RAP1A: variants seen among roughly 807,000 people sequenced by gnomAD.
RAP1A encodes RAP1A, member of RAS oncogene family.
In RAP1A, 6 loss-of-function variants were observed where a neutral mutation model predicts 26.4. The ratio of observed to expected loss-of-function variants is 0.23; its 90% CI spans 0.12 to 0.45. The LOEUF (loss-of-function observed/expected upper bound fraction) is 0.45. Ranked by LOEUF, RAP1A falls within the 20% of genes least tolerant of loss-of-function variation. The probability of loss-of-function intolerance (pLI) is 0.99; values close to 1 mark genes in which losing one functional copy is unlikely to be tolerated. For missense variants in RAP1A, 121 were observed against 217.2 expected (o/e 0.56, Z 2.78); for synonymous variants, 73 against 79.4 (o/e 0.92, Z 0.43).
Position 111,705,549 on chromosome 1 carries a change from T to C in RAP1A, c.468+1063T>C, listed in dbSNP as rs1241348067. On this transcript the variant is annotated intron_variant, in intron 6 of 7. Transcript: ENST00000369709. Reference sequence around the variant, plus strand: ...TAATCAAGAATGCCAAAGCTTGTTTTTTTATGTGAAACCATTTTTAACAAG... The same window carrying C: ...TAATCAAGAATGCCAAAGCTTGTTTCTTTATGTGAAACCATTTTTAACAAG... Among the ~76,000 whole-genome samples, 4 of 152,234 alleles carry C rather than the reference T, an allele frequency of 2.6e-5. No individual in the cohort carries two copies. The East Asian group carries it at 7.7e-4, about 29-fold the overall frequency.
At position 111,669,682 on chromosome 1, in the gene RAP1A, A is replaced by G. The variant is rs544316272; in HGVS notation, c.-27-21652A>G. 9.8e-5 allele frequency among the ~76,000 whole-genome samples: 15 copies of G among 152,362 alleles called. No individual in the cohort carries two copies. In the South Asian group the frequency reaches 2.9e-3, roughly 29 times the overall value. The stretch of plus-strand genomic sequence containing the variant: ...TCTTAACTAATCCAAGAAGAGCATG[A>G]AAAGGTCTAATAGTTGTCTAACCAG... On this transcript the variant is annotated intron_variant, in intron 1 of 7. Coordinates refer to ENST00000369709, the MANE Select transcript of RAP1A (RefSeq NM_002884.4).
At position 111,571,273 on chromosome 1, in the gene RAP1A, G is replaced by A. The variant is rs1658042978; in HGVS notation, c.-28+28764G>A. Among the ~76,000 whole-genome samples the A allele has an allele frequency of 2.6e-5, 4 of 152,338 alleles. No individual in the cohort carries two copies. The South Asian group carries it at 8.3e-4, about 32-fold the overall frequency. On this transcript the variant is annotated intron_variant, in intron 1 of 7. Transcript: ENST00000356415. ...ACGCAAAGTTTCCACACTCTGTCCA[G>A]GTGCACCCTGTCCCAGCCCATCCCT...
chr1:111,670,661 A>G (rs1273917010), intron 1 of RAP1A, among the ~76,000 whole-genome samples: 1 of 152,240 alleles, frequency 6.6e-6, no homozygotes, highest in Non-Finnish European at 1.5e-5. Flanking sequence ...GAAAAAGACT[A>G]ATAAAAGTAA....
chr1:111,549,576 G>T (rs917513126), intron 1 of RAP1A, among the ~76,000 whole-genome samples: 2 of 151,494 alleles, frequency 1.3e-5, no homozygotes, highest in Admixed American at 1.3e-4. Context: ...CTTGAACTGA[G>T]GAGGCGGAGG....
rs141929929 is a variant in RAP1A, at chr1:111,697,038, C to T, written c.127-403C>T. 1.7e-3 allele frequency among the ~76,000 whole-genome samples: 253 copies of T among 152,198 alleles called. 2 individuals are homozygous for T. In the Middle Eastern group the frequency reaches 0.017, roughly 10 times the overall value. The stretch of plus-strand genomic sequence containing the variant: ...ATTTTCTTTACCCCAAAATGTTGTG[C>T]GCATTTTGAGCCATTTAATATTTTT... On this transcript the variant is annotated intron_variant, in intron 3 of 7. Coordinates refer to ENST00000369709, the MANE Select transcript of RAP1A (RefSeq NM_002884.4).
intron 1 of RAP1A, among the ~76,000 whole-genome samples, chr1:111,551,002 A>G (rs76436018): frequency 0.05 from 7,591 of 152,166 alleles, 390 homozygotes; most frequent in East Asian, 0.18. Context: ...TCTCATGACA[A>G]TTTTTGTCTT....
chr1:111,694,599 A>C (rs1169833238), intron 2 of RAP1A, among the ~76,000 whole-genome samples: 1 of 152,210 alleles, frequency 6.6e-6, no homozygotes, highest in African/African-American at 2.4e-5. Flanking sequence ...AAAAAGATGA[A>C]TGGGCAATAT....
At chr1:111,647,194 C>G (rs1474128812) in intron 1 of RAP1A, among the ~76,000 whole-genome samples, 1 of 152,034 alleles carries the variant, frequency 6.6e-6, no homozygotes, top group Non-Finnish European at 1.5e-5. Flanking sequence ...GAGTGCAAAC[C>G]CTATTATGAA....
chr1:111,609,350 T>A (rs907932297), intron 1 of RAP1A, among the ~76,000 whole-genome samples: 13 of 152,220 alleles, frequency 8.5e-5, no homozygotes, highest in South Asian at 2.1e-4. Context: ...TATTATTATT[T>A]TTTTTAATCA....
intron 1 of RAP1A, chr1:111,649,346 C>T (rs1571527152): frequency 7.6e-6 from 3 of 393,008 alleles, no homozygotes; most frequent in East Asian, 1.3e-4. Context: ...TTCTGGATGC[C>T]TCCCATTCCT....
At chr1:111,592,663 G>T (rs866675915) in intron 1 of RAP1A, among the ~76,000 whole-genome samples, 1 of 152,150 alleles carries the variant, frequency 6.6e-6, no homozygotes, top group African/African-American at 2.4e-5. Flanking sequence ...GAGAACTCTG[G>T]GGTATGTTTC....
rs71099925 is a variant in RAP1A at position 111,653,683 on chromosome 1, CAAAAAAA to C, written c.-28+33769_-28+33775del. Among the ~76,000 whole-genome samples the C allele has an allele frequency of 1.2e-3, 77 of 65,706 alleles. 1 individual carries two copies. The highest frequency in any genetic ancestry group is 8.6e-3 in the Middle Eastern group (1 of 116). 43.1% of individuals were successfully genotyped at this position (65,706 alleles called of 152,430 possible). On this transcript the variant is annotated intron_variant, in intron 1 of 7. Transcript: ENST00000369709. The stretch of plus-strand genomic sequence containing the variant: ...GGGCTACAAGAGCGAAACTCTGTCT[CAAAAAAA>C]AAAAAAAAAAAAAAAAAAAGGTGGA...
chr1:111,664,368 C>T (rs580495), intron 1 of RAP1A, among the ~76,000 whole-genome samples: 133,520 of 135,580 alleles, frequency 0.98, 65,747 homozygotes, highest in East Asian at 1. Context: ...AGTGAGACTC[C>T]GTCTCAAAAA....
At chr1:111,673,772 T>A (rs2101188891) in intron 1 of RAP1A, among the ~76,000 whole-genome samples, 1 of 152,358 alleles carries the variant, frequency 6.6e-6, no homozygotes, top group East Asian at 1.9e-4. Context: ...GAGTTAGAAC[T>A]AATTCCCCTT....
At chr1:111,700,134 A>G (rs1661971734) in intron 4 of RAP1A, among the ~76,000 whole-genome samples, 1 of 152,090 alleles carries the variant, frequency 6.6e-6, no homozygotes, top group Non-Finnish European at 1.5e-5. Context: ...TTTCCTAACA[A>G]CACTGCTTTG....
At chr1:111,653,456 C>T (rs1001423774) in intron 1 of RAP1A, among the ~76,000 whole-genome samples, 10 of 151,516 alleles carry the variant, frequency 6.6e-5, no homozygotes, top group South Asian at 2.1e-4. Flanking sequence ...CTGAGGCGGG[C>T]GGATCACCTG....
rs564634004 is a variant in RAP1A at position 111,566,484 on chromosome 1, A to G, written c.-28+23975A>G. Among the ~76,000 whole-genome samples the G allele has an allele frequency of 2.0e-5, 3 of 152,284 alleles. No individual in the cohort carries two copies. In the South Asian group the frequency reaches 6.2e-4, roughly 32 times the overall value. On this transcript the variant is annotated intron_variant, in intron 1 of 7. Coordinates refer to the RAP1A transcript ENST00000356415. Reference sequence around the variant, plus strand: ...TGTCCAAGCAAATGACTGAGCTCCTAAAGGGATGCGGGGTGTGAGGGCTGA... The same window carrying G: ...TGTCCAAGCAAATGACTGAGCTCCTGAAGGGATGCGGGGTGTGAGGGCTGA...
rs548496493 is a variant in RAP1A at position 111,578,200 on chromosome 1, G to A, written c.-28+35691G>A. Among the ~76,000 whole-genome samples the A allele has an allele frequency of 1.3e-4, 20 of 152,194 alleles. 1 individual carries two copies. Among genetic ancestry groups the A allele is most frequent in the Admixed American group, 9.8e-4 (15 of 15,276 alleles). The stretch of plus-strand genomic sequence containing the variant: ...GTGTGTGTGTTGTGTGTGGGCACTC[G>A]GTGGAAGGGGAGGATTGGTGGGCAT... On this transcript the variant is annotated intron_variant, in intron 1 of 7. Coordinates refer to the RAP1A transcript ENST00000356415.
chr1:111,608,876 C>CGGGAGAGGGAGA (rs1012542246), intron 1 of RAP1A, among the ~76,000 whole-genome samples: 5 of 152,138 alleles, frequency 3.3e-5, no homozygotes, highest in Non-Finnish European at 5.9e-5. Context: ...GGCTCGGCAT[C>CGGGAGAGGGAGA]GGGAGAGGGA....
Sources: allele counts gnomAD v4.1 joint callset (sites outside exome capture counted in the v4.1 genomes callset), GRCh38; gene constraint gnomAD v4.1.1; transcripts MANE v1.5; gene names NCBI Gene and HGNC (gene_info 2026-07-23, HGNC 2026-07-21).